The following TBL1X variants were observed in gnomAD, a reference collection of about 807,000 sequenced individuals.
TBL1X encodes F-box-like/WD repeat-containing protein TBL1X.
TBL1X carries 10 observed loss-of-function variants against 50.7 expected under a neutral mutation model. The observed-to-expected ratio is 0.20, with a 90% confidence interval of 0.12 to 0.33. TBL1X has a LOEUF of 0.33. Among genes scored for constraint, TBL1X ranks in the 10% least tolerant of loss-of-function variants. TBL1X has a pLI of 1.00. For missense variants in TBL1X, 340 were observed against 504.4 expected, an observed-to-expected ratio of 0.67 and a Z score of 3.12; for synonymous variants, 190 against 214.7, an observed-to-expected ratio of 0.88 and a Z score of 1.01.
At chrX:9,561,336 G>T (rs1476198900) in intron 2 of TBL1X, among the ~76,000 whole-genome samples, 1 of 111,514 alleles carries the variant, frequency 9.0e-6, no homozygotes, top group East Asian at 2.8e-4. Context: ...ATTTGTATGA[G>T]TGTTGGGGTT....
At position 9,675,069 on chromosome X, in the gene TBL1X, C is replaced by T. The variant is rs6640468; in HGVS notation, c.212-8974C>T. Among the ~76,000 whole-genome samples, 20 of 112,019 alleles carry T rather than the reference C, an allele frequency of 1.8e-4. No individual in the cohort carries two copies. In the East Asian group the frequency reaches 4.2e-3, roughly 24 times the overall value. On this transcript the variant is annotated intron_variant, in intron 5 of 17. Coordinates refer to ENST00000645353, the MANE Select transcript of TBL1X (RefSeq NM_005647.4). ...ATTAAATTTCAAACATTTGCCCTCACGCTACTTAAAATTATTTTGAGTACC... is the reference window on the plus strand; with the variant it reads ...ATTAAATTTCAAACATTTGCCCTCATGCTACTTAAAATTATTTTGAGTACC...
At chrX:9,463,887 C>T (rs929497759), upstream of TBL1X, among the ~76,000 whole-genome samples, 1 of 86,439 alleles carries the variant, frequency 1.2e-5, no homozygotes, top group Non-Finnish European at 2.2e-5. Context: ...GAGCGAGACT[C>T]CTCAGAAAAA....
At chrX:9,617,776 G>A (rs963572727) in intron 2 of TBL1X, among the ~76,000 whole-genome samples, 1 of 112,451 alleles carries the variant, frequency 8.9e-6, no homozygotes, top group African/African-American at 3.2e-5. Flanking sequence ...TATCACAAAG[G>A]TGTGTTTTGG....
chrX:9,472,761 A>C (rs1344655854), intron 1 of TBL1X, among the ~76,000 whole-genome samples: 1 of 110,094 alleles, frequency 9.1e-6, no homozygotes, highest in African/African-American at 3.3e-5. Context: ...AAAATACAAA[A>C]AATTAGCCAG....
intron 13 of TBL1X, among the ~76,000 whole-genome samples, chrX:9,708,863 G>A (rs2083226899): frequency 9.0e-6 from 1 of 111,636 alleles, no homozygotes. Context: ...GTGAGACCCT[G>A]TCTGAAAAAG....
intron 5 of TBL1X, among the ~76,000 whole-genome samples, chrX:9,682,055 C>T (rs1391089975): frequency 1.8e-5 from 2 of 112,565 alleles, no homozygotes; most frequent in Admixed American, 9.4e-5. Context: ...AGTGAGGTCC[C>T]GCTTTATCCA....
chrX:9,495,358 A>G (rs1263046667), intron 1 of TBL1X, among the ~76,000 whole-genome samples: 1 of 110,827 alleles, frequency 9.0e-6, no homozygotes, highest in Non-Finnish European at 1.9e-5. Context: ...AGGGATGTCT[A>G]CGGAATGTGA....
At chrX:9,697,538 G>A (rs2083139464) in intron 12 of TBL1X, 109 bp downstream of exon 12, 3 of 1,045,303 alleles carry the variant, frequency 2.9e-6, no homozygotes, top group Non-Finnish European at 2.6e-6. Flanking sequence ...TTGGGAAGCC[G>A]AAGCAGGTGG....
chrX:9,617,883 G>C (rs756630654), intron 2 of TBL1X, among the ~76,000 whole-genome samples: 1 of 111,851 alleles, frequency 8.9e-6, no homozygotes, highest in East Asian at 2.8e-4. Flanking sequence ...GGGTAGAATG[G>C]GCCGCTCAGC....
chrX:9,709,819 C>G, intron 15 of TBL1X, 59 bp downstream of exon 15: 1 of 1,180,862 alleles, frequency 8.5e-7, no homozygotes, highest in Non-Finnish European at 1.1e-6. Flanking sequence ...ACAGGAAATT[C>G]TGCTAAAGCG....
intron 1 of TBL1X, among the ~76,000 whole-genome samples, chrX:9,468,770 G>A (rs141516294): frequency 0.011 from 1,173 of 110,466 alleles, 14 homozygotes; most frequent in African/African-American, 0.036. Context: ...TATAGGGGTC[G>A]GGTAGAGGGA....
rs747373868 is a variant in TBL1X, at chrX:9,650,654, A to G, written c.-42-2891A>G. Among the ~76,000 whole-genome samples, 121 of 112,147 alleles carry G rather than the reference A, an allele frequency of 1.1e-3. 1 individual carries two copies. Among genetic ancestry groups the G allele is most frequent in the African/African-American group, 3.6e-3 (112 of 30,906 alleles). On this transcript the variant is annotated intron_variant, in intron 3 of 17. Coordinates refer to ENST00000645353, the MANE Select transcript of TBL1X (RefSeq NM_005647.4). ...TGTTGCCCTGTTCCTAAGCCTGTCC[A>G]GAAATCCTTGGGACTAAGTGAGGCT...
chrX:9,473,448 C>G (rs992646707), intron 1 of TBL1X, among the ~76,000 whole-genome samples: 4 of 112,078 alleles, frequency 3.6e-5, no homozygotes, highest in African/African-American at 1.3e-4. Flanking sequence ...AGGACCTGTT[C>G]AGAGGAAGTC....
chrX:9,481,314 T>C (rs758788983), intron 1 of TBL1X, among the ~76,000 whole-genome samples: 13 of 112,311 alleles, frequency 1.2e-4, no homozygotes, highest in African/African-American at 3.2e-4. Flanking sequence ...ACATTGCTCA[T>C]TCTTTTGTTT....
At chrX:9,595,740 C>A (rs753353052) in intron 2 of TBL1X, among the ~76,000 whole-genome samples, 1 of 111,973 alleles carries the variant, frequency 8.9e-6, no homozygotes, top group Non-Finnish European at 1.9e-5. Flanking sequence ...AACCAGCACC[C>A]GAATTGGTTT....
intron 5 of TBL1X, among the ~76,000 whole-genome samples, chrX:9,666,779 T>C (rs2082933255): frequency 8.9e-6 from 1 of 111,869 alleles, no homozygotes; most frequent in African/African-American, 3.3e-5. Context: ...ATCTAATACA[T>C]GGTTAAAATT....
chrX:9,678,939 C>T (rs2083009633), intron 5 of TBL1X, among the ~76,000 whole-genome samples: 1 of 111,222 alleles, frequency 9.0e-6, no homozygotes, highest in African/African-American at 3.3e-5. Context: ...ACGTTTTATT[C>T]CAAATGGACA....
intron 12 of TBL1X, among the ~76,000 whole-genome samples, chrX:9,699,407 C>T (rs1427757859): frequency 8.9e-6 from 1 of 111,889 alleles, no homozygotes; most frequent in East Asian, 2.8e-4. Flanking sequence ...GTGCCACTTC[C>T]CTTAAGGGCA....
rs1351925374 is a variant in TBL1X, at chrX:9,656,928, C to G, written c.211+2606C>G. Reference sequence around the variant, plus strand: ...CAGCCTATCGCTGTCTCCCTTCTACCTTAAATAAAAAGGAAAACATTTCCC... The same window carrying G: ...CAGCCTATCGCTGTCTCCCTTCTACGTTAAATAAAAAGGAAAACATTTCCC... On this transcript the variant is annotated intron_variant, in intron 5 of 17. Coordinates refer to ENST00000645353, the MANE Select transcript of TBL1X (RefSeq NM_005647.4). 3.6e-5 allele frequency among the ~76,000 whole-genome samples: 4 copies of G among 112,084 alleles called. No individual in the cohort carries two copies. In the East Asian group the frequency reaches 8.4e-4, roughly 24 times the overall value.
Sources: gnomAD v4.1 joint callset for allele counts (sites outside exome capture counted in the v4.1 genomes callset) on GRCh38, gnomAD v4.1.1 for gene constraint, MANE v1.5 for transcripts, NCBI Gene and HGNC (gene_info 2026-07-23, HGNC 2026-07-21) for gene names.